Variants in CYP2C19 observed in about 807,000 individuals in gnomAD.
CYP2C19 encodes the protein cytochrome P450 family 2 subfamily C member 19, also known as cytochrome P450 2C19.
In CYP2C19, 59 loss-of-function variants were observed where a neutral mutation model predicts 40.9. The observed-to-expected ratio is 1.44, with a 90% CI of 1.17 to 1.79. The LOEUF is 1.79. CYP2C19 is among the 40% of genes most tolerant of loss of function. CYP2C19 has a pLI of 0.00. For missense variants in CYP2C19, 754 were observed against 596.9 expected (o/e 1.26, Z -2.74); for synonymous variants, 253 against 208.7 (o/e 1.21, Z -1.83).
rs369901873 is a variant in CYP2C19, at chr10:94,824,336, T to G, written c.961+3699T>G. ...ATTTTCATCTCATAATAAAAAATTATTAAATATAATCTACAAAAAGATAAG... is the reference window on the plus strand; with the variant it reads ...ATTTTCATCTCATAATAAAAAATTAGTAAATATAATCTACAAAAAGATAAG... On this transcript the variant is annotated intron_variant, in intron 6 of 8. Transcript: ENST00000371321. Among the ~76,000 whole-genome samples the G allele has an allele frequency of 7.2e-5, 11 of 152,292 alleles. No individual in the cohort carries two copies. The East Asian group carries it at 2.1e-3, about 29-fold the overall frequency.
chr10:94,806,641 T>G (rs1012120374), intron 5 of CYP2C19, among the ~76,000 whole-genome samples: 5 of 148,036 alleles, frequency 3.4e-5, no homozygotes, highest in Non-Finnish European at 6.0e-5. Context: ...TATTACAAAT[T>G]ATAATAATGC....
chr10:94,822,632 T>C (rs1362591843), intron 6 of CYP2C19, among the ~76,000 whole-genome samples: 1 of 152,222 alleles, frequency 6.6e-6, no homozygotes, highest in Admixed American at 6.5e-5. Context: ...TTTTAATTTC[T>C]TTCAGAAATA....
chr10:94,784,622 T>C lies in CYP2C19; in HGVS notation c.819+2625T>C, dbSNP rs192601076. The stretch of plus-strand genomic sequence containing the variant: ...TGGTATCTCATTATTTATTTATTTA[T>C]TTATTTATTTTGAGACAGAGTCTCA... On this transcript the variant is annotated intron_variant, in intron 5 of 8. Coordinates refer to ENST00000371321, the MANE Select transcript of CYP2C19 (RefSeq NM_000769.4). 5.3e-3 allele frequency among the ~76,000 whole-genome samples: 804 copies of C among 152,216 alleles called. 1 individual carries two copies. The highest frequency in any genetic ancestry group is 7.8e-3 in the Admixed American group (119 of 15,282).
chr10:94,830,386 G>A (rs575263358), intron 6 of CYP2C19, among the ~76,000 whole-genome samples: 1 of 152,232 alleles, frequency 6.6e-6, no homozygotes, highest in Admixed American at 6.5e-5. Flanking sequence ...CATCGGAAAA[G>A]CGCAGTATTC....
chr10:94,815,517 G>T (rs1199269521), intron 5 of CYP2C19, among the ~76,000 whole-genome samples: 2 of 152,126 alleles, frequency 1.3e-5, no homozygotes, highest in Admixed American at 6.5e-5. Flanking sequence ...CTCATCCATT[G>T]CTTCCACTCT....
chr10:94,812,650 T>C (rs1338347810), intron 5 of CYP2C19, among the ~76,000 whole-genome samples: 1 of 152,182 alleles, frequency 6.6e-6, no homozygotes, highest in Non-Finnish European at 1.5e-5. Flanking sequence ...ATATCCTTTC[T>C]TCTGCTTTAT....
chr10:94,774,885 T>G (rs961330058), intron 1 of CYP2C19, 173 bp from the exon 2 acceptor site: 8 of 699,724 alleles, frequency 1.1e-5, no homozygotes, highest in East Asian at 2.7e-5. Context: ...ATAGGCCATC[T>G]GAGTGGCAAG....
intron 5 of CYP2C19, among the ~76,000 whole-genome samples, chr10:94,796,926 G>A (rs1848697227): frequency 1.3e-5 from 2 of 152,098 alleles, no homozygotes; most frequent in Non-Finnish European, 1.5e-5. Flanking sequence ...ACACAATCAT[G>A]TCATCTGCAA....
intron 6 of CYP2C19, among the ~76,000 whole-genome samples, chr10:94,830,058 A>T (rs1849304165): frequency 6.6e-6 from 1 of 152,174 alleles, no homozygotes; most frequent in Non-Finnish European, 1.5e-5. Context: ...CTCTCTTCAA[A>T]GCTGTCAGAC....
chr10:94,827,994 C>T (rs199562446), intron 6 of CYP2C19, among the ~76,000 whole-genome samples: 14,794 of 151,562 alleles, frequency 0.098, 1,061 homozygotes, highest in East Asian at 0.36. Flanking sequence ...TTCTTAATCC[C>T]GAGTTCTAGT....
rs1306011268 is a variant in CYP2C19 at position 94,817,223 on chromosome 10, C to T, written c.820-3273C>T. On this transcript the variant is annotated intron_variant, in intron 5 of 8. Coordinates refer to ENST00000371321, the MANE Select transcript of CYP2C19 (RefSeq NM_000769.4). ...GTGTAAAAGTGTTCCCATTTCTCCA[C>T]ATCCTCTCCAGCACCTGTTGTTTCC... 3.4e-5 allele frequency among the ~76,000 whole-genome samples: 5 copies of T among 147,428 alleles called. 1 individual carries two copies. The highest frequency in any genetic ancestry group is 1.3e-4 in the African/African-American group (5 of 39,886).
At chr10:94,768,894 G>GC (rs1474934023) in intron 1 of CYP2C19, among the ~76,000 whole-genome samples, 2 of 152,102 alleles carry the variant, frequency 1.3e-5, no homozygotes, top group African/African-American at 4.8e-5. Context: ...GGCTGTTTCT[G>GC]CCCCTGGTTC....
At chr10:94,830,363 C>T (rs569675454) in intron 6 of CYP2C19, among the ~76,000 whole-genome samples, 6 of 152,214 alleles carry the variant, frequency 3.9e-5, no homozygotes, top group South Asian at 4.1e-4. Context: ...CGTGGTGCAC[C>T]GTTTTTTAAG....
In CYP2C19 at chr10:94,853,722, A is replaced by G. The variant is rs1849691175; in HGVS notation, c.*808A>G. Among the ~76,000 whole-genome samples, 2 of 150,972 alleles carry G rather than the reference A, an allele frequency of 1.3e-5. No individual in the cohort carries two copies. The highest frequency in any genetic ancestry group is 4.2e-4 in the South Asian group (2 of 4,770). On this transcript the variant is annotated 3_prime_UTR_variant, in exon 9 of 9. Coordinates refer to ENST00000371321, the MANE Select transcript of CYP2C19 (RefSeq NM_000769.4). Reference sequence around the variant, plus strand: ...CACCATGCCTGGCTAATTTTTTTGTATTTTTAGTACAGACAGGGTTTCACC... The same window carrying G: ...CACCATGCCTGGCTAATTTTTTTGTGTTTTTAGTACAGACAGGGTTTCACC...
chr10:94,767,806 G>C (rs1848268819), intron 1 of CYP2C19, among the ~76,000 whole-genome samples: 1 of 152,144 alleles, frequency 6.6e-6, no homozygotes, highest in South Asian at 2.1e-4. Context: ...ACCACGCTGA[G>C]GGGAGAGAAA....
intron 5 of CYP2C19, among the ~76,000 whole-genome samples, chr10:94,820,112 G>A (rs1182570112): frequency 6.6e-6 from 1 of 151,384 alleles, no homozygotes; most frequent in African/African-American, 2.4e-5. Flanking sequence ...ATGTAATCCA[G>A]CATATAAACA....
At chr10:94,802,363 T>G (rs1211993543) in intron 5 of CYP2C19, among the ~76,000 whole-genome samples, 4 of 152,202 alleles carry the variant, frequency 2.6e-5, no homozygotes, top group Admixed American at 2.6e-4. Context: ...TCTTTTGATA[T>G]TTGTTGCTTA....
At position 94,769,243 on chromosome 10, in the gene CYP2C19, C is replaced by G. The variant is rs1848294014; in HGVS notation, c.169-5815C>G. Among the ~76,000 whole-genome samples, 2 of 152,130 alleles carry G rather than the reference C, an allele frequency of 1.3e-5. 1 individual carries two copies. Among genetic ancestry groups the G allele is most frequent in the South Asian group, 4.1e-4 (2 of 4,834 alleles). On this transcript the variant is annotated intron_variant, in intron 1 of 8. Transcript: ENST00000371321. ...TGGCATGAGGCTTCCGAACTGATAG[C>G]TAAAAGTAAATCATCCACGTACTGA...
At position 94,816,244 on chromosome 10, in the gene CYP2C19, C is replaced by CT. The variant is rs535862340; in HGVS notation, c.820-4241dup. Among the ~76,000 whole-genome samples, 1,212 of 143,424 alleles carry CT rather than the reference C, an allele frequency of 8.5e-3. 12 individuals carry two copies. Among genetic ancestry groups the CT allele is most frequent in the African/African-American group, 0.014 (549 of 39,292 alleles). 94.1% of individuals were successfully genotyped at this position (143,424 alleles called of 152,430 possible). On this transcript the variant is annotated intron_variant, in intron 5 of 8. Coordinates refer to ENST00000371321, the MANE Select transcript of CYP2C19 (RefSeq NM_000769.4). ...CTACACCATACAGTATTTTTTCTTT[C>CT]TTTTTTTTTTTCTTTATTTTTATTT...
Sources: allele counts gnomAD v4.1 joint callset (sites outside exome capture counted in the v4.1 genomes callset), GRCh38; gene constraint gnomAD v4.1.1; transcripts MANE v1.5; gene names NCBI Gene and HGNC (gene_info 2026-07-23, HGNC 2026-07-21).